Variants in GRIN1 observed in about 807,000 individuals in gnomAD.
GRIN1 encodes glutamate ionotropic receptor NMDA type subunit 1, also known as glutamate receptor ionotropic, NMDA 1.
A neutral mutation model predicts 103.0 loss-of-function variants in GRIN1; 38 were observed. The observed-to-expected ratio is 0.37, with a 90% CI of 0.28 to 0.48. The LOEUF is 0.48. Among genes scored for constraint, GRIN1 ranks in the 20% least tolerant of loss-of-function variants. The pLI, the probability that GRIN1 is intolerant of heterozygous loss-of-function variation, is 0.98. For missense variants in GRIN1, 577 were observed against 1,288.9 expected (o/e 0.45, Z 8.46); for synonymous variants, 544 against 532.7 (o/e 1.02, Z -0.29).
chr9:137,161,095 C>T lies in GRIN1; in HGVS notation c.1237C>T (p.Pro413Ser). Residue 413 changes from proline to serine, a missense_variant, in exon 9 of 20, where the codon CCC becomes TCC. Transcript: ENST00000371561. ...IHQEPFVYVK[P>S]TLSDGTCKEE... ...CCAGGAGCCCTTCGTGTACGTCAAGCCCACGCTGAGTGATGGGACATGCAA... is the reference window on the plus strand; with the variant it reads ...CCAGGAGCCCTTCGTGTACGTCAAGTCCACGCTGAGTGATGGGACATGCAA... 3.1e-6 allele frequency: 5 copies of T among 1,612,954 alleles called. No individual in the cohort carries two copies. Among genetic ancestry groups the T allele is most frequent in the Non-Finnish European group, 3.4e-6 (4 of 1,179,902 alleles).
chr9:137,147,230 C>T (rs546660833), intron 3 of GRIN1, among the ~76,000 whole-genome samples: 1 of 152,194 alleles, frequency 6.6e-6, no homozygotes, highest in South Asian at 2.1e-4. Context: ...CTCAGGCTTG[C>T]CTCCATGCAG....
At chr9:137,152,811 C>T (rs536478444) in intron 4 of GRIN1, among the ~76,000 whole-genome samples, 3 of 152,240 alleles carry the variant, frequency 2.0e-5, no homozygotes, top group South Asian at 2.1e-4. Flanking sequence ...ACCATACACA[C>T]GTGCACAAAT....
intron 16 of GRIN1, 109 bp from the exon 17 acceptor site, chr9:137,163,450 A>G (rs893298514): frequency 7.0e-7 from 1 of 1,425,768 alleles, no homozygotes; most frequent in African/African-American, 1.4e-5. Flanking sequence ...GGCGCTGCCC[A>G]CTCCACGCCG....
At chr9:137,157,064 CGGGGCTGCTCTTGG>C (rs775756528) in intron 6 of GRIN1, 27 bp downstream of exon 6, 4 of 607,100 alleles carry the variant, frequency 6.6e-6, no homozygotes, top group Non-Finnish European at 9.5e-6. Context: ...CGGAGCTGGG[CGGGGCTGCTCTTGG>C]GGAGGTGGGC....
rs1833987597 is a variant in GRIN1, at chr9:137,168,319, C to T, written c.*792C>T. The T allele has an allele frequency of 2.5e-5, 5 of 203,786 alleles. No homozygotes were observed. The South Asian group carries it at 4.0e-4, about 16-fold the overall frequency. 12.6% of individuals were successfully genotyped at this position (203,786 alleles called of 1,614,324 possible). ...CACCGCCCACCCACACCCCGTCTGCCCCTTGACCCCACACGCCGGGGCTGG... is the reference window on the plus strand; with the variant it reads ...CACCGCCCACCCACACCCCGTCTGCTCCTTGACCCCACACGCCGGGGCTGG... On this transcript the variant is annotated 3_prime_UTR_variant, in exon 20 of 20. Transcript: ENST00000371561.
intron 18 of GRIN1, chr9:137,164,179 C>G: frequency 1.9e-6 from 1 of 514,670 alleles, no homozygotes. Context: ...CAGAGTCGCC[C>G]GCCGGTACCC....
chr9:137,168,302 ACCCACACCCCGTCTGCCCCTTGAC>A lies in GRIN1; in HGVS notation c.*783_*806del. 1 of 211,460 alleles carries A rather than the reference ACCCACACCCCGTCTGCCCCTTGAC, an allele frequency of 4.7e-6. No individual in the cohort carries two copies. Among genetic ancestry groups the A allele is most frequent in the Non-Finnish European group, 9.4e-6 (1 of 106,878 alleles). The allele number at this position is 211,460 out of a possible 1,614,324, so 13.1% of individuals were successfully genotyped here. Reference sequence around the variant, plus strand: ...CTCCCCTCTTCTTGCGGCACCGCCCACCCACACCCCGTCTGCCCCTTGACCCCACACGCCGGGGCTGGCCCTGCC... The same window carrying A: ...CTCCCCTCTTCTTGCGGCACCGCCCACCCACACGCCGGGGCTGGCCCTGCC... On this transcript the variant is annotated 3_prime_UTR_variant, in exon 20 of 20. Transcript: ENST00000371561.
At chr9:137,160,125 C>A (rs896644003) in intron 8 of GRIN1, among the ~76,000 whole-genome samples, 2 of 152,196 alleles carry the variant, frequency 1.3e-5, no homozygotes, top group African/African-American at 2.4e-5. Context: ...GAGTGTGGGT[C>A]GAAGAGGCCA....
At chr9:137,164,620 C>T in intron 18 of GRIN1, 1 of 177,038 alleles carries the variant, frequency 5.6e-6, no homozygotes, top group South Asian at 1.3e-4. Flanking sequence ...CTCTCATCCG[C>T]CCGCTCTTGC....
rs780454705 is a variant in GRIN1, at chr9:137,142,057, C to T, written c.303C>T (p.His101=). The change falls in exon 2 of 20, where the codon CAC becomes CAT. Residue 101 remains histidine (H), a synonymous_variant. Transcript: ENST00000371561. Reference sequence around the variant, plus strand: ...GCCATCCACCTACCCCCAACGACCACTTCACTCCCACCCCTGTCTCCTACA... The same window carrying T: ...GCCATCCACCTACCCCCAACGACCATTTCACTCCCACCCCTGTCTCCTACA... ...LVSHPPTPND[H]FTPTPVSYTA... 3.3e-5 allele frequency: 53 copies of T among 1,614,028 alleles called. No homozygotes were observed. Among genetic ancestry groups the T allele is most frequent in the Non-Finnish European group, 4.2e-5 (50 of 1,179,986 alleles).
At chr9:137,144,529 C>T (rs1442776724) in intron 2 of GRIN1, among the ~76,000 whole-genome samples, 1 of 152,014 alleles carries the variant, frequency 6.6e-6, no homozygotes, top group Non-Finnish European at 1.5e-5. Context: ...GTGGCGGGCG[C>T]CTGTAGTCTC....
At position 137,167,544 on chromosome 9, in the gene GRIN1, T is replaced by G; in HGVS notation, c.*17T>G. ...GAGAGCTGAGACTCCCCGCCCGCCC[T>G]CCTCTGCCCCCTCCCCCGCAGACAG... On this transcript the variant is annotated 3_prime_UTR_variant, in exon 20 of 20. Transcript: ENST00000371561. 2 of 830,996 alleles carry G rather than the reference T, an allele frequency of 2.4e-6. No individual in the cohort carries two copies. The highest frequency in any genetic ancestry group is 3.5e-6 in the Non-Finnish European group (2 of 566,306). The allele number at this position is 830,996 out of a possible 1,614,324, so 51.5% of individuals were successfully genotyped here. A position where few individuals can be genotyped will look rare whatever the true frequency, so the allele number is the denominator to read the frequency against.
chr9:137,162,110 GGGT>G, intron 11 of GRIN1, 22 bp downstream of exon 11: 4 of 1,528,114 alleles, frequency 2.6e-6, no homozygotes, highest in Non-Finnish European at 3.5e-6. Flanking sequence ...CCGGGTGGCG[GGGT>G]GGCGGCGGGG....
chr9:137,143,849 G>A (rs1289497449), intron 2 of GRIN1, among the ~76,000 whole-genome samples: 2 of 152,240 alleles, frequency 1.3e-5, no homozygotes, highest in Non-Finnish European at 2.9e-5. Flanking sequence ...GACACTGAAG[G>A]AACCAGGGCT....
At chr9:137,153,589 A>G (rs892527639) in intron 4 of GRIN1, among the ~76,000 whole-genome samples, 2 of 152,172 alleles carry the variant, frequency 1.3e-5, no homozygotes, top group Non-Finnish European at 2.9e-5. Context: ...ACACATACAG[A>G]TACAGGCACA....
Position 137,161,955 on chromosome 9 carries a change from G to C in GRIN1, c.1499G>C (p.Gly500Ala). ...VNNSNKKEWN[G>A]MMGELLSGQA... The stretch of plus-strand genomic sequence containing the variant: ...AACAGCAACAAGAAGGAGTGGAATG[G>C]GATGATGGGCGAGCTGCTCAGCGGG... Residue 500 changes from glycine to alanine, a missense_variant, in exon 11 of 20, where the codon GGG (glycine) becomes GCG (alanine). By Grantham distance (60) the Gly-to-Ala change is moderately conservative. This residue lies in a region of GRIN1 where 96 missense variants were observed against 145.0 expected (regional missense o/e 0.66). Transcript: ENST00000371561. 1 of 1,566,808 alleles carries C rather than the reference G, an allele frequency of 6.4e-7. No individual in the cohort carries two copies. The highest frequency in any genetic ancestry group is 8.7e-7 in the Non-Finnish European group (1 of 1,156,046).
intron 18 of GRIN1, 72 bp from the exon 19 acceptor site, chr9:137,165,114 C>T (rs1588739497): frequency 7.3e-6 from 8 of 1,089,218 alleles, no homozygotes; most frequent in East Asian, 2.4e-5. Flanking sequence ...GGCAGCGGCC[C>T]ATGCAGGAGC....
In GRIN1 at chr9:137,161,111, G is replaced by A; in HGVS notation, c.1253G>A (p.Gly418Glu). 1 of 1,612,936 alleles carries A rather than the reference G, an allele frequency of 6.2e-7. No individual in the cohort carries two copies. The highest frequency in any genetic ancestry group is 8.5e-7 in the Non-Finnish European group (1 of 1,179,924). Residue 418 changes from glycine to glutamate, a missense_variant, in exon 9 of 20, where the codon GGG becomes GAG. Transcript: ENST00000371561. ...FVYVKPTLSD[G>E]TCKEEFTVNG... is the part of the protein sequence containing the mutation. ...TACGTCAAGCCCACGCTGAGTGATG[G>A]GACATGCAAGGAGGAGTTCACAGTC...
chr9:137,148,516 G>A (rs1180219154), intron 3 of GRIN1, among the ~76,000 whole-genome samples: 1 of 152,204 alleles, frequency 6.6e-6, no homozygotes, highest in African/African-American at 2.4e-5. Flanking sequence ...GTGGAACCCG[G>A]GAGGGAGCCC....
Sources: allele counts gnomAD v4.1 joint callset (sites outside exome capture counted in the v4.1 genomes callset), GRCh38; gene constraint gnomAD v4.1.1; regional missense constraint gnomAD v4.1.1; transcripts MANE v1.5; gene names NCBI Gene and HGNC (gene_info 2026-07-23, HGNC 2026-07-21).